Variants in ATP11B observed in about 807,000 individuals in gnomAD.
The protein encoded by ATP11B is ATPase phospholipid transporting 11B (putative), also known as phospholipid-transporting ATPase IF.
ATP11B carries 81 observed loss-of-function variants against 157.8 expected under a neutral mutation model. That is an observed-to-expected ratio of 0.51 (90% CI 0.43 to 0.62). The LOEUF is 0.62. Among genes scored for constraint, ATP11B ranks in the 20% least tolerant of loss-of-function variants. The pLI is 0.00. For synonymous variants in ATP11B, 451 were observed against 469.4 expected, an observed-to-expected ratio of 0.96 and a Z score of 0.51; for missense variants, 1,165 against 1,402.2, an observed-to-expected ratio of 0.83 and a Z score of 2.70.
intron 28 of ATP11B, among the ~76,000 whole-genome samples, chr3:182,910,439 T>C (rs1227195905): frequency 6.6e-6 from 1 of 152,016 alleles, no homozygotes; most frequent in Non-Finnish European, 1.5e-5. Context: ...CCTGACATGA[T>C]GACGCACACC....
chr3:182,857,825 G>T, intron 10 of ATP11B, 53 bp from the exon 11 acceptor site: 5 of 1,160,972 alleles, frequency 4.3e-6, no homozygotes, highest in Non-Finnish European at 6.2e-6. Flanking sequence ...TCAAGCAAAT[G>T]AATATAGTAA....
intron 1 of ATP11B, among the ~76,000 whole-genome samples, chr3:182,810,461 T>C (rs1716589411): frequency 6.6e-6 from 1 of 152,208 alleles, no homozygotes; most frequent in African/African-American, 2.4e-5. Context: ...TTTTTCTCTT[T>C]ACCCTGCGTA....
chr3:182,901,880 T>C lies in ATP11B; in HGVS notation c.3318+3108T>C, dbSNP rs539338957. On this transcript the variant is annotated intron_variant, in intron 28 of 29. Coordinates refer to ENST00000323116, the MANE Select transcript of ATP11B (RefSeq NM_014616.3). Reference sequence around the variant, plus strand: ...ATGGAATGTACAGTGCATCAATCATTTTATCTATGTGTAAAAGCTAGTATA... The same window carrying C: ...ATGGAATGTACAGTGCATCAATCATCTTATCTATGTGTAAAAGCTAGTATA... Among the ~76,000 whole-genome samples, 42 of 152,268 alleles carry C rather than the reference T, an allele frequency of 2.8e-4. 3 individuals are homozygous for C. In the South Asian group the frequency reaches 7.9e-3, roughly 29 times the overall value.
chr3:182,899,753 A>C (rs775312227), intron 28 of ATP11B, among the ~76,000 whole-genome samples: 2 of 152,168 alleles, frequency 1.3e-5, no homozygotes, highest in Non-Finnish European at 2.9e-5. Context: ...TTTCTAGTGA[A>C]GATTAAATGA....
At chr3:182,899,398 G>C (rs1276066845) in intron 28 of ATP11B, among the ~76,000 whole-genome samples, 1 of 151,936 alleles carries the variant, frequency 6.6e-6, no homozygotes, top group Non-Finnish European at 1.5e-5. Flanking sequence ...TGATCCGCCT[G>C]CCTTGGCCTC....
At position 182,874,327 on chromosome 3, in the gene ATP11B, T is replaced by C. The variant is rs189125704; in HGVS notation, c.2252+312T>C. On this transcript the variant is annotated intron_variant, in intron 19 of 29. Transcript: ENST00000323116. ...TAGTTGCAGCAGAGACTTTACAAAA[T>C]ACTCTCTCTTCAGCTTTACACTGCT... Among the ~76,000 whole-genome samples, 41 of 152,356 alleles carry C rather than the reference T, an allele frequency of 2.7e-4. No homozygotes were observed. The East Asian group carries it at 7.3e-3, about 27-fold the overall frequency.
intron 21 of ATP11B, among the ~76,000 whole-genome samples, chr3:182,882,688 G>C (rs1722510823): frequency 6.6e-6 from 1 of 152,094 alleles, no homozygotes; most frequent in Admixed American, 6.5e-5. Context: ...AGGAACTATA[G>C]TTAATTATAG....
chr3:182,886,789 G>A (rs1366187246), intron 23 of ATP11B, among the ~76,000 whole-genome samples: 1 of 151,990 alleles, frequency 6.6e-6, no homozygotes, highest in Non-Finnish European at 1.5e-5. Context: ...AAAAACAAGA[G>A]CTTAATTATC....
At chr3:182,836,723 G>T in intron 6 of ATP11B, 1 of 485,648 alleles carries the variant, frequency 2.1e-6, no homozygotes. Context: ...TTTACTATTT[G>T]TGGTACTTTT....
intron 28 of ATP11B, among the ~76,000 whole-genome samples, chr3:182,910,073 GAAA>G (rs34483660): frequency 4.7e-5 from 3 of 63,388 alleles, no homozygotes; most frequent in Admixed American, 2.2e-4. Context: ...TCGGCCTCCA[GAAA>G]AAAAAAAAAA....
chr3:182,796,229 CAATGTT>C lies in ATP11B; in HGVS notation c.27+2446_27+2451del, dbSNP rs148310924. ...CTTTTTTGTTTTTCTTTTTGGCACA[CAATGTT>C]AAAGTTACTTGACACTAAGAAAATT... is the stretch of plus-strand genomic sequence containing the variant. On this transcript the variant is annotated intron_variant, in intron 1 of 29. Transcript: ENST00000323116. Among the ~76,000 whole-genome samples, 293 of 152,208 alleles carry C rather than the reference CAATGTT, an allele frequency of 1.9e-3. 8 individuals carry two copies. The East Asian group carries it at 0.048, about 25-fold the overall frequency.
chr3:182,881,103 A>G (rs1240258354), intron 21 of ATP11B, 122 bp downstream of exon 21: 7 of 677,266 alleles, frequency 1.0e-5, no homozygotes, highest in Admixed American at 6.7e-5. Flanking sequence ...GAAAATTGCA[A>G]CATGGTAATA....
chr3:182,911,634 C>G (rs528470729), intron 28 of ATP11B, among the ~76,000 whole-genome samples: 3 of 152,098 alleles, frequency 2.0e-5, no homozygotes, highest in Non-Finnish European at 4.4e-5. Context: ...ACGTGGTGAG[C>G]ACTCCACTAA....
intron 28 of ATP11B, chr3:182,902,687 T>C: frequency 2.5e-6 from 1 of 398,232 alleles, no homozygotes. Flanking sequence ...CATGGCCCTG[T>C]CTCTGAATAA....
intron 2 of ATP11B, among the ~76,000 whole-genome samples, chr3:182,826,371 T>G (rs1205947156): frequency 6.6e-6 from 1 of 152,210 alleles, no homozygotes; most frequent in Non-Finnish European, 1.5e-5. Flanking sequence ...ACAAAATATA[T>G]TGTTGCTGTT....
Position 182,873,933 on chromosome 3 carries a change from C to T in ATP11B, c.2170C>T (p.His724Tyr). The part of the protein sequence containing the change: ...VSVSLSCGHF[H>Y]RTMNILELIN... Reference sequence around the variant, plus strand: ...TGTGAGTTTATCATGTGGCCATTTTCATAGAACCATGAACATCCTTGAACT... The same window carrying T: ...TGTGAGTTTATCATGTGGCCATTTTTATAGAACCATGAACATCCTTGAACT... The change falls in exon 19 of 30, where the codon CAT becomes TAT. Residue 724 changes from histidine (H) to tyrosine (Y), a missense_variant. Physicochemically the swap from His to Tyr is moderately conservative, Grantham distance 83. Coordinates refer to ENST00000323116, the MANE Select transcript of ATP11B (RefSeq NM_014616.3). 1 of 1,614,120 alleles carries T rather than the reference C, an allele frequency of 6.2e-7. No individual in the cohort carries two copies. The highest frequency in any genetic ancestry group is 1.1e-5 in the South Asian group (1 of 91,078).
chr3:182,873,144 C>T (rs1465228156), intron 18 of ATP11B, among the ~76,000 whole-genome samples: 4 of 152,040 alleles, frequency 2.6e-5, no homozygotes, highest in Non-Finnish European at 5.9e-5. Context: ...AAGACTTCTC[C>T]TCTGTTAACC....
chr3:182,796,301 G>A (rs1049724991), intron 1 of ATP11B, among the ~76,000 whole-genome samples: 3 of 152,222 alleles, frequency 2.0e-5, no homozygotes, highest in East Asian at 1.9e-4. Flanking sequence ...ATTATTCAAA[G>A]TATACTCATT....
chr3:182,897,352 G>A lies in ATP11B; in HGVS notation c.3098G>A (p.Trp1033Ter), dbSNP rs1166800666. The A allele has an allele frequency of 1.9e-6, 3 of 1,590,736 alleles. No individual in the cohort carries two copies. The highest frequency in any genetic ancestry group is 1.7e-6 in the Non-Finnish European group (2 of 1,173,156). ...FWTWINHLVT[W>*]GSIIFYFVFS... ...ACTTGGATCAACCATCTCGTTACCT[G>A]GGGATCTATTATATTTTATTTTGTA... is the stretch of plus-strand genomic sequence containing the variant. The change falls in exon 27 of 30, where the codon TGG becomes TAG. Residue 1033 changes from tryptophan (W) to a stop codon, truncating the protein, a stop_gained. Transcript: ENST00000323116. LOFTEE classifies it high-confidence loss of function.
Sources: allele counts gnomAD v4.1 joint callset (sites outside exome capture counted in the v4.1 genomes callset), GRCh38; gene constraint gnomAD v4.1.1; transcripts MANE v1.5; gene names NCBI Gene and HGNC (gene_info 2026-07-23, HGNC 2026-07-21).